EXOC6B: variants seen among roughly 807,000 people sequenced by gnomAD.
EXOC6B encodes the protein exocyst complex component 6B, also known as SEC15 homolog B.
EXOC6B carries 54 observed loss-of-function variants against 113.5 expected under a neutral mutation model. The ratio of observed to expected loss-of-function variants is 0.48; its 90% CI spans 0.38 to 0.60. The LOEUF is 0.60. EXOC6B is among the 20% of genes least tolerant of loss of function. The probability of loss-of-function intolerance (pLI) is 0.00; values close to 1 mark genes in which losing one functional copy is unlikely to be tolerated. For synonymous variants in EXOC6B, 357 were observed against 339.0 expected, an observed-to-expected ratio of 1.05 and a Z score of -0.58; for missense variants, 797 against 977.5, an observed-to-expected ratio of 0.82 and a Z score of 2.46.
At chr2:72,643,810 A>AAAATAAAT (rs143948551) in intron 6 of EXOC6B, among the ~76,000 whole-genome samples, 4 of 150,720 alleles carry the variant, frequency 2.7e-5, no homozygotes, top group African/African-American at 9.7e-5. Flanking sequence ...AAAAAATTAA[A>AAAATAAAT]AAATAAATAA....
chr2:72,205,048 C>T lies in EXOC6B; in HGVS notation c.2197-20861G>A, dbSNP rs377106500. On this transcript the variant is annotated intron_variant, in intron 20 of 21. Transcript: ENST00000272427. ...GATGAAACACAAACCTGCTCTGGTC[C>T]TTGCTCCTGGCTTCTCATGAAGGGT... 1.1e-4 allele frequency among the ~76,000 whole-genome samples: 17 copies of T among 152,236 alleles called. 1 individual carries two copies. Among genetic ancestry groups the T allele is most frequent in the African/African-American group, 3.9e-4 (16 of 41,550 alleles).
At chr2:72,307,667 A>C (rs182403752) in intron 20 of EXOC6B, among the ~76,000 whole-genome samples, 12 of 152,282 alleles carry the variant, frequency 7.9e-5, no homozygotes, top group Admixed American at 4.6e-4. Flanking sequence ...GTCTCTGATA[A>C]ACTATATAAA....
chr2:72,400,788 AC>A (rs1222715894), intron 18 of EXOC6B, among the ~76,000 whole-genome samples: 2 of 152,096 alleles, frequency 1.3e-5, no homozygotes, highest in Admixed American at 1.3e-4. Context: ...AGCCAAAAAA[AC>A]AACAGATACT....
intron 6 of EXOC6B, among the ~76,000 whole-genome samples, chr2:72,641,235 G>C (rs1180741552): frequency 6.6e-6 from 1 of 152,242 alleles, no homozygotes; most frequent in Non-Finnish European, 1.5e-5. Context: ...GCAGCTCAGA[G>C]AGGGCGAGCT....
intron 6 of EXOC6B, among the ~76,000 whole-genome samples, chr2:72,595,429 T>C (rs1224107057): frequency 6.7e-6 from 1 of 150,216 alleles, no homozygotes; most frequent in African/African-American, 2.4e-5. Context: ...GAAAAAATAA[T>C]TTTGTGTAGT....
chr2:72,535,373 C>T (rs11126373), intron 8 of EXOC6B, among the ~76,000 whole-genome samples: 128,455 of 152,148 alleles, frequency 0.84, 54,912 homozygotes, highest in East Asian at 0.99. Flanking sequence ...TGTGGAAAGA[C>T]TGAACTTCAA....
rs191127186 is a variant in EXOC6B at position 72,544,912 on chromosome 2, C to G, written c.915+14541G>C. Among the ~76,000 whole-genome samples the G allele has an allele frequency of 4.9e-3, 748 of 152,052 alleles. 10 individuals carry two copies. Among genetic ancestry groups the G allele is most frequent in the African/African-American group, 0.017 (695 of 41,518 alleles). ...GAAACTTATTCACAAACCCTAAGCA[C>G]CTAGAATTTTGCATTTTTACAGGCA... On this transcript the variant is annotated intron_variant, in intron 8 of 21. Transcript: ENST00000272427.
At chr2:72,531,211 G>A (rs553596454) in intron 8 of EXOC6B, among the ~76,000 whole-genome samples, 1 of 151,838 alleles carries the variant, frequency 6.6e-6, no homozygotes, top group South Asian at 2.1e-4. Flanking sequence ...TTATTTATTT[G>A]TAGTGTTTTC....
At chr2:72,441,820 A>G (rs1338435847) in intron 18 of EXOC6B, among the ~76,000 whole-genome samples, 1 of 152,238 alleles carries the variant, frequency 6.6e-6, no homozygotes, top group African/African-American at 2.4e-5. Flanking sequence ...ATTCTACCAG[A>G]TGTACAAAGA....
At chr2:72,204,331 G>C (rs574114161) in intron 20 of EXOC6B, among the ~76,000 whole-genome samples, 17 of 152,136 alleles carry the variant, frequency 1.1e-4, no homozygotes, top group Admixed American at 6.5e-4. Context: ...AGGTTCTCTG[G>C]GGTCCCGGGG....
chr2:72,783,734 T>C (rs1181665624), intron 1 of EXOC6B, among the ~76,000 whole-genome samples: 2 of 152,190 alleles, frequency 1.3e-5, no homozygotes, highest in Non-Finnish European at 2.9e-5. Context: ...ATTCTTCGTA[T>C]AGTCTGGATA....
chr2:72,328,121 C>T (rs1443646049), intron 20 of EXOC6B, among the ~76,000 whole-genome samples: 3 of 152,088 alleles, frequency 2.0e-5, no homozygotes, highest in Non-Finnish European at 4.4e-5. Flanking sequence ...GGAATTATTT[C>T]CTGTCAGAGC....
chr2:72,210,603 G>A (rs140255010), intron 20 of EXOC6B, among the ~76,000 whole-genome samples: 9 of 152,288 alleles, frequency 5.9e-5, no homozygotes, highest in Admixed American at 3.9e-4. Context: ...TTCCCCAAAG[G>A]GCCCCTGAGT....
chr2:72,766,902 C>G (rs896271340), intron 1 of EXOC6B, among the ~76,000 whole-genome samples: 63 of 147,070 alleles, frequency 4.3e-4, no homozygotes, highest in Non-Finnish European at 1.0e-4. Context: ...TGCAATGAGC[C>G]GAGATCACCA....
rs560001664 is a variant in EXOC6B at position 72,663,816 on chromosome 2, T to C, written c.669+54287A>G. Among the ~76,000 whole-genome samples the C allele has an allele frequency of 5.3e-4, 81 of 152,276 alleles. 1 individual carries two copies. Among genetic ancestry groups the C allele is most frequent in the South Asian group, 1.2e-3 (6 of 4,818 alleles). ...TTCTTAAGAACTATAGAATATACAA[T>C]GCAAAAGGTAAACCCTAATGTAAGC... On this transcript the variant is annotated intron_variant, in intron 6 of 21. Transcript: ENST00000272427.
At chr2:72,196,806 T>A (rs1679200552) in intron 20 of EXOC6B, among the ~76,000 whole-genome samples, 1 of 152,178 alleles carries the variant, frequency 6.6e-6, no homozygotes, top group Non-Finnish European at 1.5e-5. Context: ...TACTAATTAG[T>A]TTTTATGTAA....
At chr2:72,204,364 CTCTGCTTTCTG>C (rs1296875216) in intron 20 of EXOC6B, among the ~76,000 whole-genome samples, 21 of 152,254 alleles carry the variant, frequency 1.4e-4, no homozygotes, top group African/African-American at 4.8e-4. Context: ...AGGTTCTAGT[CTCTGCTTTCTG>C]TTGCTGTTTC....
At chr2:72,794,943 G>A (rs1365256651) in intron 1 of EXOC6B, among the ~76,000 whole-genome samples, 1 of 152,196 alleles carries the variant, frequency 6.6e-6, no homozygotes, top group African/African-American at 2.4e-5. Flanking sequence ...CAAAGGTAGA[G>A]CAAAGGCAAA....
At chr2:72,430,157 T>C (rs1208320595) in intron 18 of EXOC6B, among the ~76,000 whole-genome samples, 3 of 152,236 alleles carry the variant, frequency 2.0e-5, no homozygotes, top group East Asian at 3.8e-4. Flanking sequence ...TTTCATCTTA[T>C]TACTTACAGA....
Sources: gnomAD v4.1 joint callset for allele counts (sites outside exome capture counted in the v4.1 genomes callset) on GRCh38, gnomAD v4.1.1 for gene constraint, MANE v1.5 for transcripts, NCBI Gene and HGNC (gene_info 2026-07-23, HGNC 2026-07-21) for gene names.